The following SGPP2 variants were observed in gnomAD, a reference collection of about 807,000 sequenced individuals.
SGPP2 encodes the protein sphingosine-1-phosphate phosphatase 2, also known as sphingosine 1-phosphate phosphohydrolase 2.
A neutral mutation model predicts 33.9 loss-of-function variants in SGPP2; 30 were observed. The observed-to-expected ratio is 0.89, with a 90% CI of 0.66 to 1.20. The LOEUF (loss-of-function observed/expected upper bound fraction) is 1.20. SGPP2 is among the 50% of genes most tolerant of loss of function. The pLI, the probability that SGPP2 is intolerant of heterozygous loss-of-function variation, is 0.00. For synonymous variants in SGPP2, 233 were observed against 225.0 expected, an observed-to-expected ratio of 1.04 and a Z score of -0.32; for missense variants, 458 against 532.1, an observed-to-expected ratio of 0.86 and a Z score of 1.37.
At chr2:222,498,657 G>A (rs1170300325) in intron 2 of SGPP2, among the ~76,000 whole-genome samples, 1 of 152,094 alleles carries the variant, frequency 6.6e-6, no homozygotes, top group Non-Finnish European at 1.5e-5. Flanking sequence ...CAAAGGCAGA[G>A]CATCCACTCA....
intron 2 of SGPP2, among the ~76,000 whole-genome samples, chr2:222,517,377 CGAGAGGAGTTCCGCTGGGGACAGTCG>C (rs1195381713): frequency 6.6e-6 from 1 of 152,122 alleles, no homozygotes. Flanking sequence ...ATCTGAACAT[CGAGAGGAGTTCCGCTGGGGACAGTCG>C]GAGAGGAGAT....
chr2:222,543,731 G>A (rs1213350515), intron 4 of SGPP2, among the ~76,000 whole-genome samples: 4 of 152,188 alleles, frequency 2.6e-5, no homozygotes, highest in African/African-American at 9.6e-5. Context: ...TCATGCCAGT[G>A]CCACTGTCAT....
intron 1 of SGPP2, among the ~76,000 whole-genome samples, chr2:222,433,007 G>A (rs564823844): frequency 1.4e-5 from 2 of 145,550 alleles, no homozygotes; most frequent in African/African-American, 5.1e-5. Flanking sequence ...GGCAATAAGA[G>A]CGAAACTCTG....
intron 4 of SGPP2, among the ~76,000 whole-genome samples, chr2:222,535,014 A>G (rs1367314459): frequency 6.6e-6 from 1 of 152,214 alleles, no homozygotes; most frequent in Non-Finnish European, 1.5e-5. Flanking sequence ...ATTACTAACA[A>G]CAAACACAGG....
intron 2 of SGPP2, among the ~76,000 whole-genome samples, chr2:222,510,222 T>G (rs1698505451): frequency 6.6e-6 from 1 of 152,242 alleles, no homozygotes; most frequent in East Asian, 1.9e-4. Context: ...ATGCTTTCCA[T>G]TCTCTTAGGG....
At chr2:222,551,448 T>TA (rs950645824) in intron 4 of SGPP2, among the ~76,000 whole-genome samples, 3 of 151,610 alleles carry the variant, frequency 2.0e-5, no homozygotes, top group Non-Finnish European at 2.9e-5. Context: ...TTTAATAGCT[T>TA]AAAAAAAAAC....
At chr2:222,466,972 T>A (rs957772303) in intron 1 of SGPP2, among the ~76,000 whole-genome samples, 2 of 152,194 alleles carry the variant, frequency 1.3e-5, no homozygotes, top group African/African-American at 4.8e-5. Flanking sequence ...TGTTCACTGT[T>A]CCCCTCTGGT....
intron 1 of SGPP2, among the ~76,000 whole-genome samples, chr2:222,437,801 C>G (rs1353669499): frequency 1.3e-5 from 2 of 152,196 alleles, no homozygotes; most frequent in African/African-American, 2.4e-5. Flanking sequence ...AGGCCAAGAG[C>G]TGTCTCTCAA....
chr2:222,524,616 G>T (rs149372767), intron 3 of SGPP2, among the ~76,000 whole-genome samples: 1 of 152,144 alleles, frequency 6.6e-6, no homozygotes, highest in Non-Finnish European at 1.5e-5. Context: ...TTAAGAATAG[G>T]TAGAAATCAA....
intron 4 of SGPP2, among the ~76,000 whole-genome samples, chr2:222,547,006 C>A (rs958284210): frequency 2.0e-5 from 3 of 152,086 alleles, no homozygotes; most frequent in African/African-American, 7.2e-5. Flanking sequence ...GAATTAGAAC[C>A]TGCATTTTAA....
rs1574879208 is a variant in SGPP2 at position 222,527,805 on chromosome 2, A to AGTAGAAG, written c.648+2774_648+2780dup. Among the ~76,000 whole-genome samples the AGTAGAAG allele has an allele frequency of 3.9e-5, 6 of 152,316 alleles. No homozygotes were observed. The East Asian group carries it at 1.2e-3, about 29-fold the overall frequency. ...TAGGGTGCAATGATGAGTAATTTTT[A>AGTAGAAG]GTAGAAGGGAACAGTTGGTTTTAAT... On this transcript the variant is annotated intron_variant, in intron 4 of 4. Transcript: ENST00000321276.
intron 1 of SGPP2, among the ~76,000 whole-genome samples, chr2:222,426,243 C>CCA (rs1697070005): frequency 1.6e-5 from 2 of 126,318 alleles, no homozygotes; most frequent in African/African-American, 5.8e-5. Flanking sequence ...AAGACCAAAA[C>CCA]AAACAAACAA....
At chr2:222,478,859 T>C (rs1235196561) in intron 2 of SGPP2, among the ~76,000 whole-genome samples, 1 of 152,246 alleles carries the variant, frequency 6.6e-6, no homozygotes, top group Non-Finnish European at 1.5e-5. Context: ...GTACATCTTT[T>C]GTTGCTTTTA....
At chr2:222,462,261 A>G (rs1461245844) in intron 1 of SGPP2, among the ~76,000 whole-genome samples, 2 of 152,194 alleles carry the variant, frequency 1.3e-5, no homozygotes, top group African/African-American at 2.4e-5. Context: ...GGGTAGAAAG[A>G]GGTCCATGGG....
chr2:222,502,812 T>A (rs1698387674), intron 2 of SGPP2, among the ~76,000 whole-genome samples: 1 of 152,220 alleles, frequency 6.6e-6, no homozygotes, highest in African/African-American at 2.4e-5. Flanking sequence ...TCATCCTGGA[T>A]GCTAACATCA....
chr2:222,557,790 G>A (rs1689440061), intron 4 of SGPP2, among the ~76,000 whole-genome samples: 1 of 152,212 alleles, frequency 6.6e-6, no homozygotes, highest in African/African-American at 2.4e-5. Context: ...GTCTCTGAAG[G>A]TGGGGTAGTA....
chr2:222,474,331 C>A (rs1697896447), intron 1 of SGPP2, among the ~76,000 whole-genome samples: 2 of 152,154 alleles, frequency 1.3e-5, no homozygotes, highest in South Asian at 4.1e-4. Flanking sequence ...TGTGTGTCTT[C>A]TCCTGGTACT....
chr2:222,525,218 A>T (rs1174990181), intron 4 of SGPP2, among the ~76,000 whole-genome samples, 185 bp downstream of exon 4: 4 of 152,258 alleles, frequency 2.6e-5, no homozygotes, highest in Admixed American at 2.0e-4. Context: ...TGAAACATTA[A>T]GGTAATATCA....
chr2:222,495,246 T>C (rs926862171), intron 2 of SGPP2, among the ~76,000 whole-genome samples: 3 of 151,900 alleles, frequency 2.0e-5, no homozygotes, highest in African/African-American at 2.4e-5. Context: ...AGTCCATATC[T>C]CAACAAAACA....
Sources: allele counts gnomAD v4.1 joint callset (sites outside exome capture counted in the v4.1 genomes callset), GRCh38; gene constraint gnomAD v4.1.1; transcripts MANE v1.5; gene names NCBI Gene and HGNC (gene_info 2026-07-23, HGNC 2026-07-21).